Variants in TENM1 observed in about 807,000 individuals in gnomAD.
The protein encoded by TENM1 is teneurin transmembrane protein 1, also known as teneurin-1.
A neutral mutation model predicts 174.8 loss-of-function variants in TENM1; 35 were observed. That is an observed-to-expected ratio of 0.20 (90% CI 0.15 to 0.27). The LOEUF is 0.27. Ranked by LOEUF, TENM1 falls within the 10% of genes least tolerant of loss-of-function variation. The probability of loss-of-function intolerance (pLI) is 1.00; values close to 1 mark genes in which losing one functional copy is unlikely to be tolerated. For missense variants in TENM1, 1,633 were observed against 2,130.1 expected (o/e 0.77, Z 4.59); for synonymous variants, 781 against 798.7 (o/e 0.98, Z 0.37).
chrX:124,574,199 C>T (rs557293077), intron 11 of TENM1, among the ~76,000 whole-genome samples: 29 of 111,772 alleles, frequency 2.6e-4, no homozygotes, highest in Middle Eastern at 4.6e-3. Flanking sequence ...AACTCAGATA[C>T]AACTGGAACA....
chrX:124,679,681 G>T (rs2052183969), intron 5 of TENM1, among the ~76,000 whole-genome samples: 1 of 111,621 alleles, frequency 9.0e-6, no homozygotes, highest in Non-Finnish European at 1.9e-5. Context: ...CTTCAGATCT[G>T]AATTTTATCC....
At chrX:124,978,985 A>G in the TENM1 span, among the ~76,000 whole-genome samples, 4 of 111,542 alleles carry the variant, frequency 3.6e-5, no homozygotes, top group African/African-American at 1.3e-4. Flanking sequence ...AGCCTTCCCC[A>G]CCGGCCCAAG....
At chrX:124,405,427 A>C (rs1659092891) in intron 26 of TENM1, among the ~76,000 whole-genome samples, 161 bp from the exon 30 acceptor site, 1 of 111,992 alleles carries the variant, frequency 8.9e-6, no homozygotes, top group South Asian at 3.8e-4. Flanking sequence ...TGACAGGCAA[A>C]CGTGTTCCCT....
chrX:124,634,963 T>G (rs905248813), intron 11 of TENM1, among the ~76,000 whole-genome samples: 1 of 111,777 alleles, frequency 8.9e-6, no homozygotes, highest in Non-Finnish European at 1.9e-5. Context: ...TGTTTATGTG[T>G]GTATGTATGT....
At chrX:125,183,820 G>A in the TENM1 span, among the ~76,000 whole-genome samples, 1 of 111,908 alleles carries the variant, frequency 8.9e-6, no homozygotes, top group East Asian at 2.8e-4. Context: ...ACTTAACAAG[G>A]AGCAATCTTT....
At chrX:124,684,461 A>T (rs149595025) in intron 5 of TENM1, among the ~76,000 whole-genome samples, 1 of 112,692 alleles carries the variant, frequency 8.9e-6, no homozygotes, top group East Asian at 2.8e-4. Context: ...ACCTAACTTC[A>T]CTGTAGAACC....
chrX:124,587,330 C>G (rs1226067488), intron 11 of TENM1, among the ~76,000 whole-genome samples: 6 of 109,106 alleles, frequency 5.5e-5, no homozygotes, highest in African/African-American at 2.0e-4. Context: ...GGTACTGGTA[C>G]CAAAACAGAG....
At chrX:124,543,997 C>T (rs1302813668) in intron 15 of TENM1, among the ~76,000 whole-genome samples, 1 of 113,087 alleles carries the variant, frequency 8.8e-6, no homozygotes, top group African/African-American at 3.2e-5. Context: ...CCAAAGGTTT[C>T]TGATGGTGGC....
At chrX:124,954,732 T>C (rs1490359244) in intron 1 of TENM1, among the ~76,000 whole-genome samples, 2 of 111,605 alleles carry the variant, frequency 1.8e-5, no homozygotes, top group Non-Finnish European at 3.8e-5. Flanking sequence ...AAAAAATATA[T>C]GCAAGCTCAG....
At chrX:124,932,513 GC>G (rs1445497601) in intron 1 of TENM1, among the ~76,000 whole-genome samples, 3 of 112,099 alleles carry the variant, frequency 2.7e-5, no homozygotes, top group African/African-American at 9.7e-5. Context: ...ATAGTCAACT[GC>G]AAAGCTGTGA....
At chrX:124,490,811 T>G (rs1391937271) in intron 20 of TENM1, among the ~76,000 whole-genome samples, 1 of 112,067 alleles carries the variant, frequency 8.9e-6, no homozygotes, top group African/African-American at 3.2e-5. Context: ...GTTGTGAAAT[T>G]AGAAGATGAG....
the TENM1 span, among the ~76,000 whole-genome samples, chrX:124,971,454 T>C: frequency 5.4e-5 from 6 of 111,464 alleles, no homozygotes; most frequent in Non-Finnish European, 1.1e-4. Context: ...CTACACAATA[T>C]CTGTAACAAT....
At chrX:124,845,578 C>G (rs973830472) in intron 3 of TENM1, among the ~76,000 whole-genome samples, 1 of 111,532 alleles carries the variant, frequency 9.0e-6, no homozygotes, top group Non-Finnish European at 1.9e-5. Context: ...TCAGATAAGT[C>G]CCTTGGTTTT....
At chrX:125,149,871 C>T in the TENM1 span, among the ~76,000 whole-genome samples, 7 of 111,775 alleles carry the variant, frequency 6.3e-5, no homozygotes, top group Non-Finnish European at 9.4e-5. Context: ...AATCTAACCA[C>T]AATGTGTATC....
intron 11 of TENM1, among the ~76,000 whole-genome samples, chrX:124,578,888 T>A (rs1434962228): frequency 8.9e-6 from 1 of 112,049 alleles, no homozygotes; most frequent in East Asian, 2.8e-4. Flanking sequence ...ACAAAGCCAG[T>A]CAATTCTATA....
At chrX:125,160,838 T>C in the TENM1 span, among the ~76,000 whole-genome samples, 3 of 109,503 alleles carry the variant, frequency 2.7e-5, no homozygotes, top group Admixed American at 2.0e-4. Flanking sequence ...AAATTGTTGA[T>C]GGGAATGCAA....
chrX:124,429,272 G>A (rs1254953770), intron 23 of TENM1, among the ~76,000 whole-genome samples: 2 of 111,818 alleles, frequency 1.8e-5, no homozygotes, highest in Admixed American at 9.6e-5. Flanking sequence ...TATGAGTTGA[G>A]TGATTTATCT....
At chrX:124,774,091 C>T (rs1166743450) in intron 3 of TENM1, among the ~76,000 whole-genome samples, 1 of 111,949 alleles carries the variant, frequency 8.9e-6, no homozygotes, top group Non-Finnish European at 1.9e-5. Flanking sequence ...GATAACACAG[C>T]TCTTGTTTAG....
intron 23 of TENM1, among the ~76,000 whole-genome samples, chrX:124,425,110 G>A (rs1224515743): frequency 8.9e-6 from 1 of 111,872 alleles, no homozygotes; most frequent in African/African-American, 3.3e-5. Flanking sequence ...ACTCCACAGT[G>A]TATATGTACC....
Sources: gnomAD v4.1 joint callset for allele counts (sites outside exome capture counted in the v4.1 genomes callset) on GRCh38, gnomAD v4.1.1 for gene constraint, MANE v1.5 for transcripts, NCBI Gene and HGNC (gene_info 2026-07-23, HGNC 2026-07-21) for gene names.